The following VIT variants were observed in gnomAD, a reference collection of about 807,000 sequenced individuals.
The protein encoded by VIT is vitrin.
VIT carries 99 observed loss-of-function variants against 78.0 expected under a neutral mutation model. That is an observed-to-expected ratio of 1.27 (90% CI 1.08 to 1.50). The LOEUF (loss-of-function observed/expected upper bound fraction) is 1.50. Among genes scored for constraint, VIT ranks in the 40% most tolerant of loss-of-function variants. The pLI, the probability that VIT is intolerant of heterozygous loss-of-function variation, is 0.00. For missense variants in VIT, 1,126 were observed against 875.3 expected, an observed-to-expected ratio of 1.29 and a Z score of -3.61; for synonymous variants, 374 against 334.3, an observed-to-expected ratio of 1.12 and a Z score of -1.29.
rs375059957 is a variant in VIT, at chr2:36,808,782, A to T, written c.1700A>T (p.Tyr567Phe). 1 of 1,614,130 alleles carries T rather than the reference A, an allele frequency of 6.2e-7. No homozygotes were observed. The highest frequency in any genetic ancestry group is 1.1e-5 in the South Asian group (1 of 91,072). The change falls in exon 15 of 16, where the codon TAC becomes TTC. Residue 567 changes from tyrosine (Y) to phenylalanine (F), a missense_variant. Coordinates refer to ENST00000379242, the MANE Select transcript of VIT (RefSeq NM_053276.4). ...EQRLEFGFDK[Y>F]SSKPDILNAI... ...CGGCTGGAGTTTGGGTTCGACAAGTACAGCAGCAAGCCTGACATCCTCAAC... is the reference window on the plus strand; with the variant it reads ...CGGCTGGAGTTTGGGTTCGACAAGTTCAGCAGCAAGCCTGACATCCTCAAC...
chr2:36,753,195 T>C, intron 4 of VIT, among the ~76,000 whole-genome samples: 1 of 91,988 alleles, frequency 1.1e-5, no homozygotes, highest in South Asian at 4.4e-4. Flanking sequence ...CAACACACAC[T>C]GGGGCCTGTC....
chr2:36,726,415 AGAAAAAGACTG>A (rs1666849257), intron 2 of VIT, among the ~76,000 whole-genome samples: 2 of 152,392 alleles, frequency 1.3e-5, no homozygotes, highest in African/African-American at 4.8e-5. Context: ...GTATACATAT[AGAAAAAGACTG>A]GAAAATATTA....
chr2:36,736,053 A>G lies in VIT; in HGVS notation c.118+6562A>G, dbSNP rs117482023. The stretch of plus-strand genomic sequence containing the variant: ...GCAGTAATGAGAGTTTTATCACTTT[A>G]TTTTTAGAGGTGACATTTTCAAGGC... On this transcript the variant is annotated intron_variant, in intron 3 of 15. Transcript: ENST00000379242. Among the ~76,000 whole-genome samples the G allele has an allele frequency of 2.4e-3, 364 of 152,264 alleles. 5 individuals are homozygous for G. In the East Asian group the frequency reaches 0.046, roughly 19 times the overall value.
At position 36,801,348 on chromosome 2, in the gene VIT, G is replaced by A. The variant is rs773547450; in HGVS notation, c.1106G>A (p.Arg369Gln). The A allele has an allele frequency of 2.3e-5, 37 of 1,613,924 alleles. No individual in the cohort carries two copies. The East Asian group carries it at 5.1e-4, about 22-fold the overall frequency. ...HFNLKTHTNS[R>Q]DLKTAIEKIT... ...AACCTCAAGACACACACGAATTCTCGAGATCTGAAGACAGCCATAGAGAAA... is the reference window on the plus strand; with the variant it reads ...AACCTCAAGACACACACGAATTCTCAAGATCTGAAGACAGCCATAGAGAAA... Residue 369 changes from arginine (R) to glutamine (Q), a missense_variant, in exon 13 of 16, where the codon CGA becomes CAA. Arg to Gln is a conservative substitution (Grantham distance 43). Transcript: ENST00000379242.
At chr2:36,721,832 T>C (rs117065430) in intron 2 of VIT, among the ~76,000 whole-genome samples, 1 of 152,290 alleles carries the variant, frequency 6.6e-6, no homozygotes, top group East Asian at 1.9e-4. Context: ...CCACCCCCTT[T>C]AGGTTGGGCC....
Position 36,805,738 on chromosome 2 carries a change from G to T in VIT, c.1389+74G>T. The T allele has an allele frequency of 2.0e-6, 3 of 1,485,842 alleles. No homozygotes were observed. In the East Asian group the frequency reaches 7.0e-5, roughly 34 times the overall value. 92.0% of individuals were successfully genotyped at this position (1,485,842 alleles called of 1,614,324 possible). A position where few individuals can be genotyped will look rare whatever the true frequency, so the allele number is the denominator to read the frequency against. ...TGAAAAATTGTAACGCCGTTGCAGT[G>T]GTTTTCCCATGCCTTTAAATGTGCA... On this transcript the variant is annotated intron_variant, in intron 14 of 15. Transcript: ENST00000379242.
rs1005666412 is a variant in VIT at position 36,722,636 on chromosome 2, G to A, written c.52+6214G>A. On this transcript the variant is annotated intron_variant, in intron 2 of 15. Coordinates refer to ENST00000379242, the MANE Select transcript of VIT (RefSeq NM_053276.4). Reference sequence around the variant, plus strand: ...GATACTATCTATGTTAGCAAACTGAGGTTCTCCAAAAAGATCTAACAGGAA... The same window carrying A: ...GATACTATCTATGTTAGCAAACTGAAGTTCTCCAAAAAGATCTAACAGGAA... Among the ~76,000 whole-genome samples the A allele has an allele frequency of 7.2e-5, 11 of 152,284 alleles. No homozygotes were observed. In the South Asian group the frequency reaches 1.4e-3, roughly 20 times the overall value.
At chr2:36,766,956 C>T in intron 6 of VIT, 138 bp from the exon 7 acceptor site, 1 of 971,062 alleles carries the variant, frequency 1.0e-6, no homozygotes, top group Admixed American at 4.2e-5. Context: ...GTGGCTGTTA[C>T]CTGGGTTTCA....
intron 3 of VIT, among the ~76,000 whole-genome samples, chr2:36,730,880 CT>C (rs1349044218): frequency 3.9e-5 from 6 of 152,136 alleles, no homozygotes; most frequent in Admixed American, 3.9e-4. Context: ...GGAGTACGTG[CT>C]GATTGGTTTG....
chr2:36,774,738 G>T, intron 8 of VIT: 1 of 985,340 alleles, frequency 1.0e-6, no homozygotes, highest in Non-Finnish European at 1.2e-6. Flanking sequence ...CACTGGCCAG[G>T]GCAAGGACTC....
chr2:36,751,954 T>C (rs1353530874), intron 4 of VIT, among the ~76,000 whole-genome samples: 1 of 152,172 alleles, frequency 6.6e-6, no homozygotes, highest in Admixed American at 6.5e-5. Context: ...GGATTTAAGA[T>C]GTAGAGAACA....
intron 2 of VIT, among the ~76,000 whole-genome samples, chr2:36,717,821 T>C (rs1666260588): frequency 6.6e-6 from 1 of 152,102 alleles, no homozygotes; most frequent in African/African-American, 2.4e-5. Context: ...TCTGGGTGGA[T>C]TAGGACAACA....
chr2:36,730,289 A>AG (rs1667115248), intron 3 of VIT, among the ~76,000 whole-genome samples: 1 of 151,690 alleles, frequency 6.6e-6, no homozygotes, highest in South Asian at 2.1e-4. Flanking sequence ...CTGTGTGGAA[A>AG]AAAAAAAAAA....
intron 5 of VIT, among the ~76,000 whole-genome samples, chr2:36,756,439 G>A (rs918476378): frequency 6.6e-6 from 1 of 152,154 alleles, no homozygotes; most frequent in African/African-American, 2.4e-5. Context: ...GCTGAACAGG[G>A]AAGAGAGAAA....
intron 3 of VIT, among the ~76,000 whole-genome samples, chr2:36,738,812 G>A (rs917450392): frequency 1.3e-5 from 2 of 152,218 alleles, no homozygotes; most frequent in Non-Finnish European, 2.9e-5. Flanking sequence ...TTCCATGGAA[G>A]AAACTATGGA....
In VIT at chr2:36,702,335, G is replaced by A. The variant is rs181559823; in HGVS notation, c.-19+5362G>A. On this transcript the variant is annotated intron_variant, in intron 1 of 15. Transcript: ENST00000379242. The stretch of plus-strand genomic sequence containing the variant: ...CAATTTCCCCCAGACACCGCCTACC[G>A]CTCACTCACACACTAGGGGGCAGTT... 7.9e-5 allele frequency among the ~76,000 whole-genome samples: 12 copies of A among 152,062 alleles called. No individual in the cohort carries two copies. In the East Asian group the frequency reaches 1.7e-3, roughly 22 times the overall value.
At chr2:36,799,073 G>A (rs1048908552) in intron 12 of VIT, among the ~76,000 whole-genome samples, 1 of 152,118 alleles carries the variant, frequency 6.6e-6, no homozygotes, top group African/African-American at 2.4e-5. Context: ...GCCCCACTTT[G>A]GTTAAGCTTG....
chr2:36,756,405 G>A (rs1304600117), intron 5 of VIT, among the ~76,000 whole-genome samples: 1 of 152,154 alleles, frequency 6.6e-6, no homozygotes, highest in Non-Finnish European at 1.5e-5. Flanking sequence ...ACTGTCCTGA[G>A]AAGGAGTCAC....
At chr2:36,766,175 G>A (rs1392370389) in intron 6 of VIT, among the ~76,000 whole-genome samples, 2 of 152,190 alleles carry the variant, frequency 1.3e-5, no homozygotes, top group Admixed American at 6.5e-5. Flanking sequence ...CAACTACAGC[G>A]GTGTTTAAAA....
Sources: gnomAD v4.1 joint callset for allele counts (sites outside exome capture counted in the v4.1 genomes callset) on GRCh38, gnomAD v4.1.1 for gene constraint, MANE v1.5 for transcripts, NCBI Gene and HGNC (gene_info 2026-07-23, HGNC 2026-07-21) for gene names.